Variants in RBFOX1 observed in about 807,000 individuals in gnomAD.
RBFOX1 encodes the protein RNA binding protein fox-1 homolog 1.
RBFOX1 carries 8 observed loss-of-function variants against 57.7 expected under a neutral mutation model. That is an observed-to-expected ratio of 0.14 (90% CI 0.08 to 0.25). The LOEUF is 0.25. RBFOX1 is among the 10% of genes least tolerant of loss of function. RBFOX1 has a pLI of 1.00. For missense variants in RBFOX1, 611 were observed against 548.5 expected, an observed-to-expected ratio of 1.11 and a Z score of -1.14; for synonymous variants, 326 against 222.4, an observed-to-expected ratio of 1.47 and a Z score of -4.15.
chr16:6,361,333 A>G (rs536894689), intron 2 of RBFOX1, among the ~76,000 whole-genome samples: 1 of 152,244 alleles, frequency 6.6e-6, no homozygotes, highest in African/African-American at 2.4e-5. Flanking sequence ...AGGTGCTGAG[A>G]AAAGATCATG....
chr16:7,625,145 C>T (rs1257342790), intron 10 of RBFOX1, among the ~76,000 whole-genome samples: 2 of 152,050 alleles, frequency 1.3e-5, no homozygotes, highest in African/African-American at 4.8e-5. Flanking sequence ...GCTCTCCCAC[C>T]TTAGTCCTTT....
chr16:6,075,703 A>G (rs1331952652), intron 1 of RBFOX1, among the ~76,000 whole-genome samples: 1 of 152,226 alleles, frequency 6.6e-6, no homozygotes, highest in Non-Finnish European at 1.5e-5. Context: ...GCTATTTCAA[A>G]TGTAGTTCCT....
At chr16:7,554,762 A>G (rs1336895424) in intron 5 of RBFOX1, among the ~76,000 whole-genome samples, 1 of 151,962 alleles carries the variant, frequency 6.6e-6, no homozygotes, top group Non-Finnish European at 1.5e-5. Flanking sequence ...TTCTTCTTCT[A>G]CAAAGCCAAG....
chr16:6,090,119 A>G (rs542366287), intron 1 of RBFOX1: 24 of 152,204 alleles, frequency 1.6e-4, no homozygotes, highest in African/African-American at 5.8e-4. Flanking sequence ...CCCTTCTTCC[A>G]TCTTCAAAGC....
chr16:7,132,379 A>T (rs1279643520), intron 4 of RBFOX1, among the ~76,000 whole-genome samples: 1 of 151,698 alleles, frequency 6.6e-6, no homozygotes, highest in Non-Finnish European at 1.5e-5. Context: ...TGAGAGATGG[A>T]AGCAACCTAA....
At chr16:6,459,668 G>C (rs571818452) in intron 2 of RBFOX1, among the ~76,000 whole-genome samples, 96 of 151,996 alleles carry the variant, frequency 6.3e-4, no homozygotes, top group African/African-American at 2.2e-3. Flanking sequence ...AATGTCTTTA[G>C]AGTCAATACT....
intron 4 of RBFOX1, among the ~76,000 whole-genome samples, chr16:7,213,652 C>G (rs577701972): frequency 2.6e-5 from 4 of 152,034 alleles, no homozygotes; most frequent in Admixed American, 6.5e-5. Context: ...TTGAGATGAG[C>G]TATCTCATTT....
chr16:6,835,103 G>A (rs527303615), intron 3 of RBFOX1, among the ~76,000 whole-genome samples: 1 of 152,088 alleles, frequency 6.6e-6, no homozygotes, highest in African/African-American at 2.4e-5. Context: ...CAGGATGTTA[G>A]TGTTAGCCAG....
chr16:5,577,763 A>G (rs1438107770), intron 2 of RBFOX1, among the ~76,000 whole-genome samples: 4 of 152,244 alleles, frequency 2.6e-5, no homozygotes, highest in African/African-American at 9.6e-5. Context: ...AAAAAACTAA[A>G]AAGTCGTGTT....
At chr16:7,364,594 A>AAAAAAAAAAAAAC (rs1485330262) in intron 4 of RBFOX1, among the ~76,000 whole-genome samples, 1 of 151,510 alleles carries the variant, frequency 6.6e-6, no homozygotes. Context: ...AAAAAACAAA[A>AAAAAAAAAAAAAC]AAAAAAAACT....
chr16:6,788,422 C>G (rs1300623082), intron 3 of RBFOX1, among the ~76,000 whole-genome samples: 1 of 151,536 alleles, frequency 6.6e-6, no homozygotes, highest in Non-Finnish European at 1.5e-5. Flanking sequence ...AGTCAGCCTG[C>G]TTTGGACACA....
At chr16:5,400,666 A>AT (rs145014186) in intron 1 of RBFOX1, among the ~76,000 whole-genome samples, 7,681 of 149,996 alleles carry the variant, frequency 0.051, 274 homozygotes, top group East Asian at 0.12. Flanking sequence ...GGCATGATTG[A>AT]TTTTTTTTTT....
chr16:7,358,641 A>C (rs2097262615), intron 4 of RBFOX1, among the ~76,000 whole-genome samples: 1 of 152,168 alleles, frequency 6.6e-6, no homozygotes, highest in Non-Finnish European at 1.5e-5. Context: ...GCTGGTCTCA[A>C]ACTCCTGGCC....
chr16:6,929,371 A>T (rs981442366), intron 3 of RBFOX1, among the ~76,000 whole-genome samples: 1 of 152,156 alleles, frequency 6.6e-6, no homozygotes, highest in Admixed American at 6.5e-5. Flanking sequence ...ATCCCGGTGC[A>T]CGTCACCATT....
chr16:7,172,164 C>T (rs998400389), intron 4 of RBFOX1, among the ~76,000 whole-genome samples: 1 of 152,118 alleles, frequency 6.6e-6, no homozygotes, highest in Non-Finnish European at 1.5e-5. Context: ...ATTCTGCATC[C>T]TGGAATTAAA....
intron 1 of RBFOX1, among the ~76,000 whole-genome samples, chr16:6,022,947 G>C (rs1039258403): frequency 6.6e-6 from 1 of 152,150 alleles, no homozygotes; most frequent in Non-Finnish European, 1.5e-5. Context: ...TTGTATAGGA[G>C]ATGTCAAGGA....
At chr16:7,352,353 C>G (rs17562603) in intron 4 of RBFOX1, among the ~76,000 whole-genome samples, 14,330 of 152,204 alleles carry the variant, frequency 0.094, 774 homozygotes, top group Non-Finnish European at 0.11. Flanking sequence ...TCGGAGAGAA[C>G]TGAAGCTATA....
At chr16:5,386,783 G>A (rs2066270675) in intron 1 of RBFOX1, among the ~76,000 whole-genome samples, 1 of 152,184 alleles carries the variant, frequency 6.6e-6, no homozygotes, top group Non-Finnish European at 1.5e-5. Context: ...AGGCGTGGTG[G>A]CTCACACCTG....
chr16:7,528,835 A>C (rs895184114), intron 5 of RBFOX1, among the ~76,000 whole-genome samples: 1 of 152,238 alleles, frequency 6.6e-6, no homozygotes. Flanking sequence ...GAAGTTGGCT[A>C]TTCTCTGTTG....
Sources: gnomAD v4.1 joint callset for allele counts (sites outside exome capture counted in the v4.1 genomes callset) on GRCh38, gnomAD v4.1.1 for gene constraint, MANE v1.5 for transcripts, NCBI Gene and HGNC (gene_info 2026-07-23, HGNC 2026-07-21) for gene names.